Variants in DBX2 observed in about 807,000 individuals in gnomAD.
The protein encoded by DBX2 is homeobox protein DBX2.
Under a neutral mutation model 17.7 loss-of-function variants are expected in DBX2, and 16 were observed. The observed-to-expected ratio is 0.90, with a 90% CI of 0.61 to 1.37. DBX2 has a LOEUF of 1.37. Ranked by LOEUF, DBX2 falls within the 40% of genes most tolerant of loss-of-function variation. DBX2 has a pLI of 0.00. For synonymous variants in DBX2, 255 were observed against 183.8 expected (o/e 1.39, Z -3.13); for missense variants, 538 against 433.8 (o/e 1.24, Z -2.13).
In DBX2 at chr12:45,016,231, G is replaced by A; in HGVS notation, c.*55C>T. ...GAGGTACAAGCTAGCTGGCATTAGA[G>A]TCCAGATGTTACTATTAAGCGTTCT... On this transcript the variant is annotated 3_prime_UTR_variant, in exon 4 of 4. Coordinates refer to ENST00000332700, the MANE Select transcript of DBX2 (RefSeq NM_001004329.3). 1.3e-6 allele frequency: 2 copies of A among 1,506,058 alleles called. No individual in the cohort carries two copies. Among genetic ancestry groups the A allele is most frequent in the Non-Finnish European group, 1.8e-6 (2 of 1,126,124 alleles). The allele number at this position is 1,506,058 out of a possible 1,614,324, so 93.3% of individuals were successfully genotyped here.
chr12:45,048,296 A>T (rs1946510612), intron 1 of DBX2, among the ~76,000 whole-genome samples: 1 of 152,208 alleles, frequency 6.6e-6, no homozygotes, highest in Non-Finnish European at 1.5e-5. Context: ...GGTAGTCAAC[A>T]TGCAGAAATT....
At chr12:45,039,839 C>T (rs1285407583) in intron 1 of DBX2, among the ~76,000 whole-genome samples, 1 of 151,800 alleles carries the variant, frequency 6.6e-6, no homozygotes, top group Non-Finnish European at 1.5e-5. Context: ...AAGAGCTAGA[C>T]CCTGGACAAC....
In DBX2 at chr12:45,015,966, T is replaced by G. The variant is rs1565579100; in HGVS notation, c.*320A>C. ...AGAAACTAGTTTCTACTAATACATT[T>G]TAATGGATATTTATGTATATACACA... On this transcript the variant is annotated 3_prime_UTR_variant, in exon 4 of 4. Transcript: ENST00000332700. 2 of 190,072 alleles carry G rather than the reference T, an allele frequency of 1.1e-5. No homozygotes were observed. The highest frequency in any genetic ancestry group is 2.1e-5 in the Non-Finnish European group (2 of 93,862). The allele number at this position is 190,072 out of a possible 1,614,324, so 11.8% of individuals were successfully genotyped here. A position where few individuals can be genotyped will look rare whatever the true frequency, so the allele number is the denominator to read the frequency against.
At chr12:45,048,493 T>C (rs1215014897) in intron 1 of DBX2, among the ~76,000 whole-genome samples, 1 of 152,112 alleles carries the variant, frequency 6.6e-6, no homozygotes, top group East Asian at 1.9e-4. Flanking sequence ...ATAGAAAAAA[T>C]TGTTGGCAGT....
intron 2 of DBX2, among the ~76,000 whole-genome samples, chr12:45,034,222 AG>A (rs1171222282): frequency 1.3e-5 from 2 of 152,094 alleles, no homozygotes; most frequent in African/African-American, 2.4e-5. Context: ...GATTTTCTGA[AG>A]TAAAAACCCA....
chr12:45,050,757 G>A lies in DBX2; in HGVS notation c.171C>T (p.Pro57=). ...GGGCGGTCGCCGGGTCGTGGGGCGCGGGCGGCTGCAGCCTGGGCGTTGGGG... is the reference window on the plus strand; with the variant it reads ...GGGCGGTCGCCGGGTCGTGGGGCGCAGGCGGCTGCAGCCTGGGCGTTGGGG... ...GGAPTPRLQP[P]APHDPATALA... The change falls in exon 1 of 4, where the codon CCC becomes CCT. Residue 57 remains proline (P), a synonymous_variant. Coordinates refer to ENST00000332700, the MANE Select transcript of DBX2 (RefSeq NM_001004329.3). 1 of 1,503,306 alleles carries A rather than the reference G, an allele frequency of 6.7e-7. No individual in the cohort carries two copies. Among genetic ancestry groups the A allele is most frequent in the Non-Finnish European group, 8.9e-7 (1 of 1,127,276 alleles). 93.1% of individuals were successfully genotyped at this position (1,503,306 alleles called of 1,614,324 possible).
chr12:45,022,877 G>T (rs1373206012), intron 3 of DBX2, among the ~76,000 whole-genome samples: 1 of 152,152 alleles, frequency 6.6e-6, no homozygotes, highest in African/African-American at 2.4e-5. Flanking sequence ...AGGTTAAAGA[G>T]AACACAAACT....
chr12:45,049,661 C>T (rs1037967063), intron 1 of DBX2, among the ~76,000 whole-genome samples: 8 of 110,232 alleles, frequency 7.3e-5, no homozygotes, highest in African/African-American at 2.8e-4. Context: ...AAGGACGCAG[C>T]CAAAAAAAAA....
At position 45,016,389 on chromosome 12, in the gene DBX2, C is replaced by G. The variant is rs1171348289; in HGVS notation, c.917G>C (p.Ser306Thr). Reference sequence around the variant, plus strand: ...TGCTTCTGGGGGTGGTGCCCCTGAACTCTCCTGGATTAGTCTTTCTGAAGG... The same window carrying G: ...TGCTTCTGGGGGTGGTGCCCCTGAAGTCTCCTGGATTAGTCTTTCTGAAGG... ...PEPSERLIQE[S>T]SGAPPPEANS... is the part of the protein sequence containing the mutation. Residue 306 changes from serine to threonine, a missense_variant, in exon 4 of 4, where the codon AGT (serine) becomes ACT (threonine). Physicochemically the swap from Ser to Thr is moderately conservative, Grantham distance 58. Transcript: ENST00000332700. 1 of 1,613,764 alleles carries G rather than the reference C, an allele frequency of 6.2e-7. No homozygotes were observed. The highest frequency in any genetic ancestry group is 8.5e-7 in the Non-Finnish European group (1 of 1,179,926).
In DBX2 at chr12:45,041,125, T is replaced by A. The variant is rs535593526; in HGVS notation, c.404-5011A>T. ...AATATTATTATAACAAATAATAATA[T>A]TAATAAATTAATTAAAACTAATCAT... On this transcript the variant is annotated intron_variant, in intron 1 of 3. Coordinates refer to ENST00000332700, the MANE Select transcript of DBX2 (RefSeq NM_001004329.3). 6.8e-5 allele frequency among the ~76,000 whole-genome samples: 10 copies of A among 147,328 alleles called. No individual in the cohort carries two copies. In the South Asian group the frequency reaches 2.1e-3, roughly 31 times the overall value.
At chr12:45,016,802 T>C (rs1392318407) in intron 3 of DBX2, among the ~76,000 whole-genome samples, 184 bp from the exon 4 acceptor site, 2 of 150,544 alleles carry the variant, frequency 1.3e-5, no homozygotes, top group Non-Finnish European at 2.9e-5. Flanking sequence ...TTTTATTTTA[T>C]TATTATTTTT....
chr12:45,028,632 T>G (rs1946393852), intron 2 of DBX2, among the ~76,000 whole-genome samples: 1 of 152,202 alleles, frequency 6.6e-6, no homozygotes, highest in African/African-American at 2.4e-5. Flanking sequence ...TTCTCACCAC[T>G]GTGATATACA....
In DBX2 at chr12:45,023,706, C is replaced by T; in HGVS notation, c.687+1G>A. ...GTAGACATCTTCCTGCTTATTAGTA[C>T]CTGTGATTCCTTTAGTCCCAAGTTG... On this transcript the variant is annotated splice_donor_variant, in intron 3 of 3. Transcript: ENST00000332700. LOFTEE classifies it high-confidence loss of function. The T allele has an allele frequency of 6.2e-7, 1 of 1,613,990 alleles. No individual in the cohort carries two copies. Among genetic ancestry groups the T allele is most frequent in the Non-Finnish European group, 8.5e-7 (1 of 1,179,934 alleles).
At chr12:45,050,481 G>C (rs11182811) in intron 1 of DBX2, 44 bp downstream of exon 1, 728,198 of 1,541,366 alleles carry the variant, frequency 0.47, 175,836 homozygotes, top group South Asian at 0.68. Context: ...CACCCGGCCT[G>C]GGGGCGCGGG....
At chr12:45,047,830 G>A (rs1946508239) in intron 1 of DBX2, among the ~76,000 whole-genome samples, 1 of 152,146 alleles carries the variant, frequency 6.6e-6, no homozygotes, top group African/African-American at 2.4e-5. Flanking sequence ...TGATTAAAGT[G>A]CTACTTGGGA....
At chr12:45,043,300 C>T (rs970773807) in intron 1 of DBX2, among the ~76,000 whole-genome samples, 2 of 152,228 alleles carry the variant, frequency 1.3e-5, no homozygotes, top group African/African-American at 2.4e-5. Flanking sequence ...AGATATGACA[C>T]TCTGAAACTT....
chr12:45,020,675 G>GTGTA (rs1555141165), intron 3 of DBX2, among the ~76,000 whole-genome samples: 169 of 146,012 alleles, frequency 1.2e-3, no homozygotes, highest in African/African-American at 3.8e-3. Flanking sequence ...GTATATATAT[G>GTGTA]TATATATATA....
In DBX2 at chr12:45,016,746, T is replaced by A. The variant is rs1007510575; in HGVS notation, c.688-128A>T. 4.2e-5 allele frequency: 33 copies of A among 779,492 alleles called. No homozygotes were observed. In the African/African-American group the frequency reaches 5.6e-4, roughly 13 times the overall value. The allele number at this position is 779,492 out of a possible 1,614,324, so 48.3% of individuals were successfully genotyped here. A position where few individuals can be genotyped will look rare whatever the true frequency, so the allele number is the denominator to read the frequency against. On this transcript the variant is annotated intron_variant, in intron 3 of 3. Coordinates refer to ENST00000332700, the MANE Select transcript of DBX2 (RefSeq NM_001004329.3). ...TATTATGACAGCCAACCTCAAAAAG[T>A]CCTTGTGGCTTTTCACATGGGCTCC...
chr12:45,029,531 G>T (rs1429072601), intron 2 of DBX2, among the ~76,000 whole-genome samples: 1 of 152,194 alleles, frequency 6.6e-6, no homozygotes, highest in African/African-American at 2.4e-5. Context: ...GGCAGGGAAA[G>T]AAGTGGGAAA....
Sources: allele counts gnomAD v4.1 joint callset (sites outside exome capture counted in the v4.1 genomes callset), GRCh38; gene constraint gnomAD v4.1.1; transcripts MANE v1.5; gene names NCBI Gene and HGNC (gene_info 2026-07-23, HGNC 2026-07-21).